DHTKD1: variants seen among roughly 807,000 people sequenced by gnomAD.
DHTKD1 encodes the protein 2-oxoadipate dehydrogenase complex component E1.
Under a neutral mutation model 101.8 loss-of-function variants are expected in DHTKD1, and 78 were observed. That is an observed-to-expected ratio of 0.77 (90% CI 0.64 to 0.93). The LOEUF is 0.93. Among genes scored for constraint, DHTKD1 ranks in the 40% least tolerant of loss-of-function variants. The pLI, the probability that DHTKD1 is intolerant of heterozygous loss-of-function variation, is 0.00. For synonymous variants in DHTKD1, 462 were observed against 450.3 expected (o/e 1.03, Z -0.33); for missense variants, 1,223 against 1,161.7 (o/e 1.05, Z -0.77).
At chr10:12,092,090 T>A (rs1832999565) in intron 6 of DHTKD1, among the ~76,000 whole-genome samples, 1 of 151,848 alleles carries the variant, frequency 6.6e-6, no homozygotes, top group Non-Finnish European at 1.5e-5. Flanking sequence ...TTCAAGTGAT[T>A]CTCATGCCTC....
chr10:12,110,957 G>C lies in DHTKD1; in HGVS notation c.2155-1943G>C, dbSNP rs1430932121. Among the ~76,000 whole-genome samples the C allele has an allele frequency of 1.3e-5, 2 of 149,264 alleles. No individual in the cohort carries two copies. The highest frequency in any genetic ancestry group is 4.9e-5 in the African/African-American group (2 of 40,652). ...ACTACTTGGGAGGCTGAGGTGGGAGGATCACTTGAGCCTGGGAGGCGGAGG... is the reference window on the plus strand; with the variant it reads ...ACTACTTGGGAGGCTGAGGTGGGAGCATCACTTGAGCCTGGGAGGCGGAGG... On this transcript the variant is annotated intron_variant, in intron 12 of 16. Coordinates refer to ENST00000263035, the MANE Select transcript of DHTKD1 (RefSeq NM_018706.7). The surrounding 1 kb of genome is among the most constrained non-coding windows in gnomAD (Gnocchi z 4.9).
At position 12,121,834 on chromosome 10, in the gene DHTKD1, G is replaced by A. The variant is rs561506911; in HGVS notation, c.*946G>A. 3 of 152,296 alleles carry A rather than the reference G, an allele frequency of 2.0e-5. No homozygotes were observed. In the South Asian group the frequency reaches 6.2e-4, roughly 32 times the overall value. The allele number at this position is 152,296 out of a possible 1,614,324, so 9.4% of individuals were successfully genotyped here. A position where few individuals can be genotyped will look rare whatever the true frequency, so the allele number is the denominator to read the frequency against. ...AGCTGGAAAACTAGGTCATTATCTAGATGATTTCAGACTTGACCCTAATTG... is the reference window on the plus strand; with the variant it reads ...AGCTGGAAAACTAGGTCATTATCTAAATGATTTCAGACTTGACCCTAATTG... On this transcript the variant is annotated 3_prime_UTR_variant, in exon 17 of 17. Coordinates refer to ENST00000263035, the MANE Select transcript of DHTKD1 (RefSeq NM_018706.7).
intron 6 of DHTKD1, 108 bp downstream of exon 6, chr10:12,091,792 T>C: frequency 1.3e-6 from 1 of 782,384 alleles, no homozygotes; most frequent in Non-Finnish European, 1.9e-6. Flanking sequence ...CCTCCTTTCA[T>C]TTAATTAATT....
At chr10:12,080,191 T>A (rs1388357593) in intron 1 of DHTKD1, among the ~76,000 whole-genome samples, 1 of 150,552 alleles carries the variant, frequency 6.6e-6, no homozygotes, top group Non-Finnish European at 1.5e-5. Context: ...TCCCAGCTAC[T>A]CAGGAGGCTG....
At position 12,120,870 on chromosome 10, in the gene DHTKD1, C is replaced by T. The variant is rs201680688; in HGVS notation, c.2742C>T (p.Leu914=). The part of the protein sequence containing the change: ...TVHLHQHEDI[L]AKTFA ...ACTTGCACCAGCATGAAGATATCCTCGCCAAGACCTTCGCTTGATGATGAC... is the reference window on the plus strand; with the variant it reads ...ACTTGCACCAGCATGAAGATATCCTTGCCAAGACCTTCGCTTGATGATGAC... Residue 914 remains leucine, a synonymous_variant, in exon 17 of 17, where the codon CTC becomes CTT. Coordinates refer to ENST00000263035, the MANE Select transcript of DHTKD1 (RefSeq NM_018706.7). The T allele has an allele frequency of 2.7e-4, 435 of 1,613,822 alleles. 2 individuals carry two copies. Among genetic ancestry groups the T allele is most frequent in the Middle Eastern group, 8.2e-4 (5 of 6,062 alleles).
chr10:12,093,850 C>T (rs1325500371), intron 6 of DHTKD1, among the ~76,000 whole-genome samples: 1 of 152,130 alleles, frequency 6.6e-6, no homozygotes, highest in African/African-American at 2.4e-5. Context: ...GCCCCATTCC[C>T]GATTTATAGA....
intron 13 of DHTKD1, among the ~76,000 whole-genome samples, chr10:12,115,928 A>ATT (rs762994821): frequency 1.8e-3 from 238 of 133,154 alleles, no homozygotes; most frequent in African/African-American, 5.9e-3. Flanking sequence ...ACACCCAGCA[A>ATT]TTTTTTTTTT....
intron 3 of DHTKD1, among the ~76,000 whole-genome samples, chr10:12,085,481 GTTGGTTGCCAAAATATTGACCTA>G: frequency 6.6e-6 from 1 of 152,252 alleles, no homozygotes; most frequent in Non-Finnish European, 1.5e-5. Context: ...GTAGCAAAAT[GTTGGTTGCCAAAATATTGACCTA>G]TTGGCTCTCC....
intron 10 of DHTKD1, among the ~76,000 whole-genome samples, chr10:12,102,371 C>G (rs910576267): frequency 6.7e-6 from 1 of 149,426 alleles, no homozygotes; most frequent in Non-Finnish European, 1.5e-5. Context: ...TTGCAGTGAG[C>G]CGAGAACACA....
In DHTKD1 at chr10:12,100,453, C is replaced by T. The variant is rs185564570; in HGVS notation, c.1756+191C>T. The stretch of plus-strand genomic sequence containing the variant: ...CTAATTTTTGTATTTTTAGTAGAGA[C>T]GGGGTTTCACTATGTTGGTCAGGCT... On this transcript the variant is annotated intron_variant, in intron 9 of 16. Coordinates refer to ENST00000263035, the MANE Select transcript of DHTKD1 (RefSeq NM_018706.7). 5.8e-3 allele frequency among the ~76,000 whole-genome samples: 880 copies of T among 150,890 alleles called. 5 individuals carry two copies. Among genetic ancestry groups the T allele is most frequent in the African/African-American group, 0.02 (824 of 41,138 alleles).
At chr10:12,099,138 C>G (rs904043750) in intron 8 of DHTKD1, among the ~76,000 whole-genome samples, 3 of 151,762 alleles carry the variant, frequency 2.0e-5, no homozygotes, top group Non-Finnish European at 2.9e-5. Flanking sequence ...CCACTGTACT[C>G]CAGCCTGGGT....
intron 1 of DHTKD1, among the ~76,000 whole-genome samples, chr10:12,069,960 G>T (rs12264720): frequency 6.6e-6 from 1 of 152,092 alleles, no homozygotes; most frequent in Non-Finnish European, 1.5e-5. Context: ...GGGGGTCCAA[G>T]ACTGCATTGC....
chr10:12,071,843 T>G (rs1242855013), intron 1 of DHTKD1, among the ~76,000 whole-genome samples: 4 of 152,224 alleles, frequency 2.6e-5, no homozygotes, highest in Non-Finnish European at 5.9e-5. Context: ...TAATTTATAC[T>G]TCCTAAGGAA....
At chr10:12,079,337 G>T (rs540255435) in intron 1 of DHTKD1, among the ~76,000 whole-genome samples, 1 of 152,284 alleles carries the variant, frequency 6.6e-6, no homozygotes, top group Non-Finnish European at 1.5e-5. Context: ...CCGGGTTCCT[G>T]CAATGCTGTA....
intron 15 of DHTKD1, among the ~76,000 whole-genome samples, chr10:12,119,707 C>G (rs1489360046): frequency 6.6e-6 from 1 of 151,178 alleles, no homozygotes; most frequent in Non-Finnish European, 1.5e-5. Context: ...TCAGGCAGAA[C>G]AGCTAATGGA....
At chr10:12,101,222 C>T (rs377320865) in intron 10 of DHTKD1, 41 bp downstream of exon 10, 14 of 1,582,686 alleles carry the variant, frequency 8.8e-6, no homozygotes, top group Non-Finnish European at 1.1e-5. Context: ...CAGGTGCCAA[C>T]GATTACACTT....
chr10:12,070,138 T>A (rs1832631978), intron 1 of DHTKD1, among the ~76,000 whole-genome samples: 1 of 152,170 alleles, frequency 6.6e-6, no homozygotes, highest in South Asian at 2.1e-4. Flanking sequence ...TTTTAGCCAC[T>A]CTATTGACAC....
At chr10:12,093,045 A>ATTT (rs34443347) in intron 6 of DHTKD1, among the ~76,000 whole-genome samples, 1 of 138,604 alleles carries the variant, frequency 7.2e-6, no homozygotes. Context: ...TGCACAGCTA[A>ATTT]TTTTTTTTTT....
rs771506788 is a variant in DHTKD1 at position 12,118,816 on chromosome 10, G to A, written c.2470G>A (p.Gly824Arg). 2 of 1,607,784 alleles carry A rather than the reference G, an allele frequency of 1.2e-6. No homozygotes were observed. Among genetic ancestry groups the A allele is most frequent in the East Asian group, 2.3e-5 (1 of 44,292 alleles). ...CCTGGTGAAACAAAGAGAATCTCTG[G>A]GGGCCAAGAAGCATGACTTTGCCAT... is the stretch of plus-strand genomic sequence containing the variant. ...YSLVKQRESL[G>R]AKKHDFAIIR... The change falls in exon 15 of 17, where the codon GGG becomes AGG. Residue 824 changes from glycine (G) to arginine (R), a missense_variant. Transcript: ENST00000263035.
Sources: gnomAD v4.1 joint callset for allele counts (sites outside exome capture counted in the v4.1 genomes callset) on GRCh38, gnomAD v4.1.1 for gene constraint, Gnocchi (gnomAD v3.1) non-coding constraint, MANE v1.5 for transcripts, NCBI Gene and HGNC (gene_info 2026-07-23, HGNC 2026-07-21) for gene names.